The following HBS1L variants were observed in gnomAD, a reference collection of about 807,000 sequenced individuals.
The protein encoded by HBS1L is HBS1 like translational GTPase.
A neutral mutation model predicts 88.9 loss-of-function variants in HBS1L; 55 were observed. The observed-to-expected ratio is 0.62, with a 90% confidence interval of 0.50 to 0.77. HBS1L has a LOEUF of 0.77. Ranked by LOEUF, HBS1L falls within the 30% of genes least tolerant of loss-of-function variation. HBS1L has a pLI of 0.00. For synonymous variants in HBS1L, 267 were observed against 288.5 expected, an observed-to-expected ratio of 0.93 and a Z score of 0.76; for missense variants, 741 against 829.3, an observed-to-expected ratio of 0.89 and a Z score of 1.31.
Position 135,054,762 on chromosome 6 carries a change from C to A in HBS1L, c.-71G>T. On this transcript the variant is annotated 5_prime_UTR_variant, in exon 1 of 18. Coordinates refer to ENST00000367837, the MANE Select transcript of HBS1L (RefSeq NM_006620.4). ...ACACTCCGCTTAGATACTGATAAGG[C>A]GCCAACTGCAGCCTGGAGAACCCCT... 2 of 1,576,478 alleles carry A rather than the reference C, an allele frequency of 1.3e-6. No homozygotes were observed. The highest frequency in any genetic ancestry group is 1.7e-6 in the Non-Finnish European group (2 of 1,150,658).
chr6:135,042,188 C>A, intron 2 of HBS1L, 62 bp from the exon 3 acceptor site: 8 of 1,445,864 alleles, frequency 5.5e-6, no homozygotes, highest in South Asian at 2.8e-5. Flanking sequence ...CTTTTTTTTA[C>A]AAAAGTTAAA....
At chr6:135,017,115 T>C (rs1775944757) in intron 4 of HBS1L, among the ~76,000 whole-genome samples, 1 of 152,196 alleles carries the variant, frequency 6.6e-6, no homozygotes. Context: ...CACCTACACC[T>C]AGTGTTGACT....
intron 11 of HBS1L, among the ~76,000 whole-genome samples, chr6:134,985,771 C>T (rs1026299374): frequency 6.6e-6 from 1 of 152,034 alleles, no homozygotes; most frequent in African/African-American, 2.4e-5. Flanking sequence ...CCAAGCATTT[C>T]GGATAAGGGA....
intron 12 of HBS1L, 39 bp downstream of exon 12, chr6:134,985,302 G>C (rs780010074): frequency 3.0e-6 from 4 of 1,341,758 alleles, no homozygotes; most frequent in South Asian, 2.7e-5. Flanking sequence ...ATGGGGAAAA[G>C]GGGCTATACT....
At chr6:134,998,929 GTTCCCATAC>G (rs1775367538) in intron 5 of HBS1L, among the ~76,000 whole-genome samples, 1 of 152,164 alleles carries the variant, frequency 6.6e-6, no homozygotes, top group Non-Finnish European at 1.5e-5. Flanking sequence ...TGCAGGAAAT[GTTCCCATAC>G]TTTTAAAGGA....
At chr6:135,051,223 CAAAAAGAAAAAAAAAGAA>C (rs1183301292) in intron 1 of HBS1L, among the ~76,000 whole-genome samples, 6 of 148,312 alleles carry the variant, frequency 4.0e-5, no homozygotes, top group African/African-American at 7.5e-5. Flanking sequence ...GACTCCGTCT[CAAAAAGAAAAAAAAAGAA>C]AAAAAGAAAA....
At chr6:135,041,902 G>T in intron 3 of HBS1L, 99 bp downstream of exon 3, 1 of 1,005,850 alleles carries the variant, frequency 9.9e-7, no homozygotes, top group Non-Finnish European at 1.5e-6. Context: ...CATCATTACT[G>T]TTCATAGTCA....
chr6:135,005,647 G>C lies in HBS1L; in HGVS notation c.431-2805C>G, dbSNP rs563995011. On this transcript the variant is annotated intron_variant, in intron 4 of 17. Coordinates refer to ENST00000367837, the MANE Select transcript of HBS1L (RefSeq NM_006620.4). ...GATATGGGATCAAGCTGATAGAAAAGATTAAATGGAGAAGGTTTAGTTGAA... is the reference window on the plus strand; with the variant it reads ...GATATGGGATCAAGCTGATAGAAAACATTAAATGGAGAAGGTTTAGTTGAA... Among the ~76,000 whole-genome samples, 59 of 152,308 alleles carry C rather than the reference G, an allele frequency of 3.9e-4. No individual in the cohort carries two copies. The South Asian group carries it at 0.012, about 32-fold the overall frequency.
rs752093585 is a variant in HBS1L at position 134,986,087 on chromosome 6, G to A, written c.1402C>T (p.Leu468=). 3 of 1,528,480 alleles carry A rather than the reference G, an allele frequency of 2.0e-6. No homozygotes were observed. The highest frequency in any genetic ancestry group is 2.7e-6 in the Non-Finnish European group (3 of 1,105,854). The allele number at this position is 1,528,480 out of a possible 1,614,324, so 94.7% of individuals were successfully genotyped here. Residue 468 remains leucine, a synonymous_variant, in exon 11 of 18, where the codon CTA becomes TTA. Coordinates refer to ENST00000367837, the MANE Select transcript of HBS1L (RefSeq NM_006620.4). Reference sequence around the variant, plus strand: ...TTACCAATTTGTTCTAATAAACATAGTCCTTTATACCATTTTGTGAGTTCA... The same window carrying A: ...TTACCAATTTGTTCTAATAAACATAATCCTTTATACCATTTTGTGAGTTCA... ...SSELTKWYKG[L]CLLEQIDSFK... is the part of the protein sequence containing the mutation.
chr6:134,981,537 C>T (rs1205052038), intron 13 of HBS1L, among the ~76,000 whole-genome samples: 1 of 151,758 alleles, frequency 6.6e-6, no homozygotes, highest in Non-Finnish European at 1.5e-5. Flanking sequence ...GAAAAATATA[C>T]ATTCAAATTG....
chr6:135,020,952 G>A (rs1404990976), intron 4 of HBS1L, among the ~76,000 whole-genome samples: 1 of 151,736 alleles, frequency 6.6e-6, no homozygotes, highest in Non-Finnish European at 1.5e-5. Context: ...AAAGGCAGGT[G>A]ACCACTTAAA....
chr6:135,008,678 C>G (rs1371789730), intron 4 of HBS1L, among the ~76,000 whole-genome samples: 1 of 152,036 alleles, frequency 6.6e-6, no homozygotes, highest in Non-Finnish European at 1.5e-5. Flanking sequence ...AGGTAGATCT[C>G]TCTCACATCA....
In HBS1L at chr6:134,965,245, C is replaced by A. The variant is rs1376982404; in HGVS notation, c.*34G>T. On this transcript the variant is annotated 3_prime_UTR_variant, in exon 18 of 18. Transcript: ENST00000367837. ...CTTGAAACAGAGGTTAGCTATTTCACTGTATCCAGAAACGTGGTAGAAATT... is the reference window on the plus strand; with the variant it reads ...CTTGAAACAGAGGTTAGCTATTTCAATGTATCCAGAAACGTGGTAGAAATT... The A allele has an allele frequency of 6.5e-7, 1 of 1,542,172 alleles. No individual in the cohort carries two copies. The highest frequency in any genetic ancestry group is 2.3e-5 in the East Asian group (1 of 44,366).
chr6:134,973,290 T>C (rs951611439), intron 15 of HBS1L, among the ~76,000 whole-genome samples: 1 of 152,210 alleles, frequency 6.6e-6, no homozygotes, highest in Admixed American at 6.5e-5. Context: ...CTGATGCATA[T>C]TACAACATGG....
chr6:135,045,108 G>A (rs539930137), intron 2 of HBS1L, among the ~76,000 whole-genome samples: 66 of 150,816 alleles, frequency 4.4e-4, no homozygotes, highest in Middle Eastern at 6.8e-3. Flanking sequence ...GTATTGGGTC[G>A]CTGCAAAAGT....
chr6:135,033,296 C>T (rs1278006531), intron 4 of HBS1L, among the ~76,000 whole-genome samples: 1 of 152,138 alleles, frequency 6.6e-6, no homozygotes, highest in Non-Finnish European at 1.5e-5. Flanking sequence ...GCTACTAAGA[C>T]AGCAATCAAT....
chr6:135,009,373 T>C (rs983945461), intron 4 of HBS1L, among the ~76,000 whole-genome samples: 5 of 152,088 alleles, frequency 3.3e-5, no homozygotes, highest in South Asian at 2.1e-4. Flanking sequence ...TGTACCTGAG[T>C]AATTCTAGAA....
At chr6:135,021,855 T>C (rs1002831473) in intron 4 of HBS1L, among the ~76,000 whole-genome samples, 2 of 152,138 alleles carry the variant, frequency 1.3e-5, no homozygotes, top group Non-Finnish European at 2.9e-5. Context: ...AAATAAAACA[T>C]ATACAAAGCC....
intron 4 of HBS1L, among the ~76,000 whole-genome samples, chr6:135,030,134 T>C (rs1471853088): frequency 1.3e-5 from 2 of 152,130 alleles, no homozygotes; most frequent in African/African-American, 4.8e-5. Flanking sequence ...AGAACTTACA[T>C]GGAAGAGGGG....
Sources: allele counts gnomAD v4.1 joint callset (sites outside exome capture counted in the v4.1 genomes callset), GRCh38; gene constraint gnomAD v4.1.1; transcripts MANE v1.5; gene names NCBI Gene and HGNC (gene_info 2026-07-23, HGNC 2026-07-21).